MBOAT2: variants seen among roughly 807,000 people sequenced by gnomAD.
MBOAT2 encodes the protein membrane-bound glycerophospholipid O-acyltransferase 2.
MBOAT2 carries 28 observed loss-of-function variants against 63.4 expected under a neutral mutation model. The ratio of observed to expected loss-of-function variants is 0.44; its 90% CI spans 0.33 to 0.61. The LOEUF is 0.61. Among genes scored for constraint, MBOAT2 ranks in the 20% least tolerant of loss-of-function variants. MBOAT2 has a pLI of 0.03. For missense variants in MBOAT2, 470 were observed against 605.8 expected, an observed-to-expected ratio of 0.78 and a Z score of 2.35; for synonymous variants, 211 against 215.6, an observed-to-expected ratio of 0.98 and a Z score of 0.19.
chr2:8,861,963 C>G (rs2148507729), intron 11 of MBOAT2, among the ~76,000 whole-genome samples: 1 of 152,302 alleles, frequency 6.6e-6, no homozygotes, highest in South Asian at 2.1e-4. Flanking sequence ...TTAAATGAAG[C>G]CCTCTTACCT....
chr2:8,964,407 T>C (rs1669842719), intron 1 of MBOAT2, among the ~76,000 whole-genome samples: 1 of 151,676 alleles, frequency 6.6e-6, no homozygotes. Flanking sequence ...GTATTATATT[T>C]CATTGTGTTA....
intron 4 of MBOAT2, among the ~76,000 whole-genome samples, chr2:8,907,951 A>T (rs1207798732): frequency 6.6e-6 from 1 of 152,076 alleles, no homozygotes; most frequent in East Asian, 1.9e-4. Context: ...TTTACTGCTC[A>T]TTACTTACGC....
chr2:8,968,220 G>T (rs1397382401), intron 1 of MBOAT2, among the ~76,000 whole-genome samples: 1 of 152,172 alleles, frequency 6.6e-6, no homozygotes, highest in Non-Finnish European at 1.5e-5. Context: ...TTGCTGTTCA[G>T]CAATATTTGC....
intron 1 of MBOAT2, among the ~76,000 whole-genome samples, chr2:8,983,790 A>G (rs1189109659): frequency 6.6e-6 from 1 of 152,222 alleles, no homozygotes; most frequent in Admixed American, 6.5e-5. Flanking sequence ...TGGAGCAGTG[A>G]GTCAGCAACT....
At chr2:8,960,232 G>C (rs1012617326) in intron 1 of MBOAT2, among the ~76,000 whole-genome samples, 10 of 152,086 alleles carry the variant, frequency 6.6e-5, no homozygotes, top group Admixed American at 5.2e-4. Context: ...GCTTCTTACA[G>C]TTTAAAACTT....
intron 3 of MBOAT2, among the ~76,000 whole-genome samples, chr2:8,938,378 C>T (rs961640623): frequency 6.6e-6 from 1 of 152,108 alleles, no homozygotes; most frequent in Admixed American, 6.5e-5. Context: ...CGCTCTCTCT[C>T]TAGCATACAC....
At chr2:8,965,188 T>C (rs1396314457) in intron 1 of MBOAT2, among the ~76,000 whole-genome samples, 1 of 152,216 alleles carries the variant, frequency 6.6e-6, no homozygotes, top group Non-Finnish European at 1.5e-5. Flanking sequence ...AGTGTAATTA[T>C]ATCATTGAGT....
chr2:8,866,736 G>T (rs1311386244), intron 9 of MBOAT2, among the ~76,000 whole-genome samples: 1 of 152,180 alleles, frequency 6.6e-6, no homozygotes, highest in Non-Finnish European at 1.5e-5. Context: ...CTTTTAATCT[G>T]TAACAGCTTG....
chr2:8,975,656 A>C (rs1670760690), intron 1 of MBOAT2, among the ~76,000 whole-genome samples: 1 of 152,162 alleles, frequency 6.6e-6, no homozygotes, highest in South Asian at 2.1e-4. Flanking sequence ...TAAAATAAAT[A>C]CATGAAGCGT....
intron 4 of MBOAT2, 149 bp from the exon 5 acceptor site, chr2:8,888,222 A>T: frequency 1.5e-6 from 1 of 679,398 alleles, no homozygotes. Flanking sequence ...TTCAGCAATA[A>T]CTCAGAAGTT....
At chr2:8,912,313 AAG>A (rs1665779369) in intron 3 of MBOAT2, among the ~76,000 whole-genome samples, 2 of 99,408 alleles carry the variant, frequency 2.0e-5, no homozygotes, top group African/African-American at 4.2e-5. Flanking sequence ...GAAAGAAAGA[AAG>A]AAAGAAAGAA....
rs1231732549 is a variant in MBOAT2 at position 8,852,809 on chromosome 2, T to A, written c.*5870A>T. 1.3e-5 allele frequency: 2 copies of A among 152,208 alleles called. No homozygotes were observed. The highest frequency in any genetic ancestry group is 2.9e-5 in the Non-Finnish European group (2 of 68,042). 9.4% of individuals were successfully genotyped at this position (152,208 alleles called of 1,614,324 possible). On this transcript the variant is annotated 3_prime_UTR_variant, in exon 13 of 13. Transcript: ENST00000305997. ...TTAAAAACCAGCAATAAGCCACCAG[T>A]GCAGCTCTGACAGACTAGAAATGAG...
chr2:8,859,920 C>T (rs1358964063), intron 12 of MBOAT2, among the ~76,000 whole-genome samples: 1 of 152,140 alleles, frequency 6.6e-6, no homozygotes, highest in South Asian at 2.1e-4. Context: ...TGTGGTGGCT[C>T]ATGCCTGTAA....
chr2:9,002,175 T>C (rs114807905), intron 1 of MBOAT2, among the ~76,000 whole-genome samples: 223 of 152,344 alleles, frequency 1.5e-3, no homozygotes, highest in African/African-American at 4.8e-3. Context: ...ACGATTAATT[T>C]CACTACCATA....
At chr2:8,971,914 A>T (rs891062734) in intron 1 of MBOAT2, among the ~76,000 whole-genome samples, 3 of 152,220 alleles carry the variant, frequency 2.0e-5, no homozygotes, top group Admixed American at 2.0e-4. Flanking sequence ...GGTAGGAAGA[A>T]TCAATATTGT....
At chr2:8,919,392 A>T (rs1666414356) in intron 3 of MBOAT2, among the ~76,000 whole-genome samples, 1 of 152,330 alleles carries the variant, frequency 6.6e-6, no homozygotes, top group Admixed American at 6.5e-5. Context: ...GGGTATTGTC[A>T]GTCTTTTAAA....
intron 12 of MBOAT2, among the ~76,000 whole-genome samples, chr2:8,859,775 A>T (rs1661361375): frequency 6.6e-6 from 1 of 152,246 alleles, no homozygotes; most frequent in Admixed American, 6.5e-5. Context: ...GGGAGAGGAG[A>T]TAAGTAGATT....
intron 3 of MBOAT2, among the ~76,000 whole-genome samples, chr2:8,915,314 G>A (rs1157720876): frequency 3.9e-5 from 6 of 152,092 alleles, no homozygotes; most frequent in Non-Finnish European, 8.8e-5. Context: ...CTGAAAAAAG[G>A]AAAACGGACC....
chr2:8,901,711 C>G (rs1032887719), intron 4 of MBOAT2, among the ~76,000 whole-genome samples: 1 of 152,104 alleles, frequency 6.6e-6, no homozygotes, highest in African/African-American at 2.4e-5. Flanking sequence ...TCCAGATAGT[C>G]CCCCCTACGA....
Sources: allele counts gnomAD v4.1 joint callset (sites outside exome capture counted in the v4.1 genomes callset), GRCh38; gene constraint gnomAD v4.1.1; transcripts MANE v1.5; gene names NCBI Gene and HGNC (gene_info 2026-07-23, HGNC 2026-07-21).